PDE6B: variants seen among roughly 807,000 people sequenced by gnomAD.
PDE6B encodes the protein phosphodiesterase 6B, also known as rod cGMP-specific 3',5'-cyclic phosphodiesterase subunit beta.
In PDE6B, 106 loss-of-function variants were observed where a neutral mutation model predicts 109.0. The ratio of observed to expected loss-of-function variants is 0.97; its 90% CI spans 0.83 to 1.14. The LOEUF (loss-of-function observed/expected upper bound fraction) is 1.14. Ranked by LOEUF, PDE6B falls within the 50% of genes most tolerant of loss-of-function variation. The probability of loss-of-function intolerance (pLI) is 0.00; values close to 1 mark genes in which losing one functional copy is unlikely to be tolerated. For synonymous variants in PDE6B, 490 were observed against 471.3 expected (o/e 1.04, Z -0.51); for missense variants, 1,193 against 1,155.6 (o/e 1.03, Z -0.47).
Position 666,728 on chromosome 4 carries a change from A to G in PDE6B, c.2352+114A>G, listed in dbSNP as rs550979995. 2.0e-5 allele frequency: 15 copies of G among 742,212 alleles called. No individual in the cohort carries two copies. In the African/African-American group the frequency reaches 2.1e-4, roughly 10 times the overall value. 46.0% of individuals were successfully genotyped at this position (742,212 alleles called of 1,614,324 possible). A position where few individuals can be genotyped will look rare whatever the true frequency, so the allele number is the denominator to read the frequency against. On this transcript the variant is annotated intron_variant, in intron 20 of 21. Coordinates refer to ENST00000496514, the MANE Select transcript of PDE6B (RefSeq NM_000283.4). The surrounding 1 kb of genome is among the most constrained non-coding windows in gnomAD (Gnocchi z 5.6). ...ACGGGCCCGGCGGTGTCCTCACTGG[A>G]GTAGGGATGCCAGTGCCAGCTTCGT...
chr4:663,832 C>A lies in PDE6B; in HGVS notation c.1983C>A (p.Asp661Glu). The A allele has an allele frequency of 1.2e-6, 2 of 1,612,072 alleles. No individual in the cohort carries two copies. Among genetic ancestry groups the A allele is most frequent in the Non-Finnish European group, 1.7e-6 (2 of 1,179,172 alleles). ...ACGAGCACGTGATCCACCTGATGGA[C>A]ATCGCCATCATCGCCACGGACCTGG... ...RQHEHVIHLM[D>E]IAIIATDLAL... The change falls in exon 16 of 22, where the codon GAC becomes GAA. Residue 661 changes from aspartate (D) to glutamate (E), a missense_variant. Physicochemically the swap from Asp to Glu is conservative, Grantham distance 45. Transcript: ENST00000496514. This position sits in a 1 kb window ranked among gnomAD's most constrained non-coding sequence, Gnocchi z 4.0.
At position 653,968 on chromosome 4, in the gene PDE6B, C is replaced by T. The variant is rs1190186547; in HGVS notation, c.828C>T (p.Gly276=). ...TCAACTGCGAGCGGTACTCCGTGGG[C>T]CTCCTGGACATGACCAAGGAGAAGG... is the stretch of plus-strand genomic sequence containing the variant. ...AYLNCERYSV[G]LLDMTKEKEF... Residue 276 remains glycine (G), a synonymous_variant, in exon 4 of 22, where the codon GGC becomes GGT. Coordinates refer to ENST00000496514, the MANE Select transcript of PDE6B (RefSeq NM_000283.4). 1 of 1,613,732 alleles carries T rather than the reference C, an allele frequency of 6.2e-7. No individual in the cohort carries two copies. The highest frequency in any genetic ancestry group is 1.3e-5 in the African/African-American group (1 of 74,918).
Position 663,109 on chromosome 4 carries a change from C to T in PDE6B, c.1842C>T (p.Asn614=), listed in dbSNP as rs759904349. The part of the protein sequence containing the change: ...TNNLYQMKSQ[N]PLAKLHGSSI... ...ACCACCTGTGTAACAGGTCCCAGAA[C>T]CCCTTGGCTAAGCTCCACGGCTCCT... The change falls in exon 15 of 22, where the codon AAC becomes AAT. Residue 614 remains asparagine, a synonymous_variant. Transcript: ENST00000496514. This position sits in a 1 kb window ranked among gnomAD's most constrained non-coding sequence, Gnocchi z 4.0. 2.5e-6 allele frequency: 4 copies of T among 1,606,740 alleles called. No individual in the cohort carries two copies. The highest frequency in any genetic ancestry group is 1.7e-5 in the Admixed American group (1 of 60,018).
At chr4:654,220 G>T in intron 5 of PDE6B, 66 bp downstream of exon 5, 1 of 1,417,824 alleles carries the variant, frequency 7.1e-7, no homozygotes, top group African/African-American at 1.4e-5. Flanking sequence ...CCAACTCCAG[G>T]GCAGGAGAGG....
chr4:650,733 G>A (rs76716489), intron 3 of PDE6B, among the ~76,000 whole-genome samples: 4,100 of 152,262 alleles, frequency 0.027, 54 homozygotes, highest in Middle Eastern at 0.037. Flanking sequence ...GGGAGGCTGC[G>A]TAGATGCCGT....
At position 656,960 on chromosome 4, in the gene PDE6B, C is replaced by T. The variant is rs116784895; in HGVS notation, c.1194C>T (p.Val398=). The change falls in exon 9 of 22, where the codon GTC becomes GTT. Residue 398 remains valine (V), a synonymous_variant. Coordinates refer to ENST00000496514, the MANE Select transcript of PDE6B (RefSeq NM_000283.4). ...ACAAGAAGGAGGAGATTGTGGGAGT[C>T]GCCACATTTTACAACAGGAAAGACG... ...IVNKKEEIVG[V]ATFYNRKDGK... is the part of the protein sequence containing the mutation. 272 of 1,613,016 alleles carry T rather than the reference C, an allele frequency of 1.7e-4. No individual in the cohort carries two copies. In the African/African-American group the frequency reaches 2.7e-3, roughly 16 times the overall value.
Position 636,797 on chromosome 4 carries a change from G to A in PDE6B, c.711+828G>A, listed in dbSNP as rs746944403. 6.6e-6 allele frequency among the ~76,000 whole-genome samples: 1 copy of A among 152,184 alleles called. No individual in the cohort carries two copies. The highest frequency in any genetic ancestry group is 1.5e-5 in the Non-Finnish European group (1 of 68,010). On this transcript the variant is annotated intron_variant, in intron 3 of 21. Coordinates refer to ENST00000496514, the MANE Select transcript of PDE6B (RefSeq NM_000283.4). The surrounding 1 kb of genome is among the most constrained non-coding windows in gnomAD (Gnocchi z 4.5). ...ATCTGGAGGAAGGCTGGGTTTAGGG[G>A]CCTCCTCCTGGCCCCAGGGCTGCCT...
chr4:662,994 C>T lies in PDE6B; in HGVS notation c.1833-106C>T. ...CTCCAGAGTGGGTGACAGAGGCAGACCCTGTCTCAAAAAAAAGAAAGTGGG... is the reference window on the plus strand; with the variant it reads ...CTCCAGAGTGGGTGACAGAGGCAGATCCTGTCTCAAAAAAAAGAAAGTGGG... On this transcript the variant is annotated intron_variant, in intron 14 of 21. Transcript: ENST00000496514. This position sits in a 1 kb window ranked among gnomAD's most constrained non-coding sequence, Gnocchi z 4.3. The T allele has an allele frequency of 2.7e-6, 2 of 753,794 alleles. No individual in the cohort carries two copies. The highest frequency in any genetic ancestry group is 2.8e-5 in the South Asian group (2 of 71,338). The allele number at this position is 753,794 out of a possible 1,614,324, so 46.7% of individuals were successfully genotyped here.
At chr4:650,864 G>A (rs1735475944) in intron 3 of PDE6B, among the ~76,000 whole-genome samples, 1 of 152,230 alleles carries the variant, frequency 6.6e-6, no homozygotes, top group Non-Finnish European at 1.5e-5. Context: ...GCCACACGCT[G>A]AAGACGCCTG....
chr4:645,148 A>G (rs1038015027), intron 3 of PDE6B, among the ~76,000 whole-genome samples: 1 of 152,010 alleles, frequency 6.6e-6, no homozygotes, highest in Admixed American at 6.5e-5. Flanking sequence ...AGCATAGCAT[A>G]TATTTCTTCA....
rs1475240155 is a variant in PDE6B, at chr4:665,366, GGGTGTTAGAGACCCCTCTT to G, written c.2268+41_2268+59del. ...TTCTGGAACCTTCCACTCCTGAAAC[GGGTGTTAGAGACCCCTCTT>G]GGTCCTCAGGAGCCTCAGGTCCTGG... On this transcript the variant is annotated intron_variant, in intron 19 of 21. Coordinates refer to ENST00000496514, the MANE Select transcript of PDE6B (RefSeq NM_000283.4). This position sits in a 1 kb window ranked among gnomAD's most constrained non-coding sequence, Gnocchi z 4.0. 1 of 1,437,602 alleles carries G rather than the reference GGGTGTTAGAGACCCCTCTT, an allele frequency of 7.0e-7. No homozygotes were observed. Among genetic ancestry groups the G allele is most frequent in the East Asian group, 2.3e-5 (1 of 44,010 alleles). The allele number at this position is 1,437,602 out of a possible 1,614,324, so 89.1% of individuals were successfully genotyped here.
intron 3 of PDE6B, among the ~76,000 whole-genome samples, chr4:647,636 A>G (rs957716149): frequency 7.9e-5 from 12 of 151,628 alleles, no homozygotes; most frequent in Admixed American, 7.2e-4. Context: ...CAGGCTCGTG[A>G]CCTCACCTAA....
At chr4:646,926 C>T (rs1461211710) in intron 3 of PDE6B, among the ~76,000 whole-genome samples, 2 of 151,604 alleles carry the variant, frequency 1.3e-5, no homozygotes, top group Non-Finnish European at 2.9e-5. Flanking sequence ...GGCTCAATCT[C>T]GGCTCACTGC....
intron 7 of PDE6B, 103 bp downstream of exon 7, chr4:656,109 C>G (rs1048387289): frequency 1.6e-5 from 16 of 1,018,434 alleles, no homozygotes; most frequent in East Asian, 7.1e-5. Flanking sequence ...CCGGCCAGCT[C>G]CACGTGCCTC....
chr4:659,183 G>A (rs1470377286), intron 11 of PDE6B, among the ~76,000 whole-genome samples, 166 bp downstream of exon 11: 1 of 152,248 alleles, frequency 6.6e-6, no homozygotes, highest in African/African-American at 2.4e-5. Flanking sequence ...GTGTACGTGT[G>A]TGTACATAAG....
In PDE6B at chr4:662,094, C is replaced by T. The variant is rs368270262; in HGVS notation, c.1615-40C>T. 8.0e-6 allele frequency: 8 copies of T among 1,005,506 alleles called. No individual in the cohort carries two copies. The highest frequency in any genetic ancestry group is 4.8e-5 in the African/African-American group (3 of 62,654). The allele number at this position is 1,005,506 out of a possible 1,614,324, so 62.3% of individuals were successfully genotyped here. A position where few individuals can be genotyped will look rare whatever the true frequency, so the allele number is the denominator to read the frequency against. ...AGGTGCCGCTCTGGCGGGACTTACA[C>T]GCTTGCCGCCGGAGCCCTGTGTCCT... On this transcript the variant is annotated intron_variant, in intron 12 of 21. Coordinates refer to ENST00000496514, the MANE Select transcript of PDE6B (RefSeq NM_000283.4). This position sits in a 1 kb window ranked among gnomAD's most constrained non-coding sequence, Gnocchi z 4.3.
chr4:659,163 A>G (rs929189476), intron 11 of PDE6B, 146 bp downstream of exon 11: 15 of 705,772 alleles, frequency 2.1e-5, no homozygotes, highest in Admixed American at 1.4e-4. Flanking sequence ...TTGTGTATCT[A>G]AGCACCTTAG....
Position 662,362 on chromosome 4 carries a change from G to A in PDE6B, c.1722+121G>A, listed in dbSNP as rs529422556. On this transcript the variant is annotated intron_variant, in intron 13 of 21. Coordinates refer to ENST00000496514, the MANE Select transcript of PDE6B (RefSeq NM_000283.4). This position sits in a 1 kb window ranked among gnomAD's most constrained non-coding sequence, Gnocchi z 4.3. ...GGGCAGAAGGATGGAGGAGGGCAAC[G>A]CCCTCTGACACCGTGCACCGCGCAC... The A allele has an allele frequency of 1.1e-5, 9 of 817,964 alleles. No homozygotes were observed. Among genetic ancestry groups the A allele is most frequent in the South Asian group, 4.3e-5 (3 of 69,860 alleles). The allele number at this position is 817,964 out of a possible 1,614,324, so 50.7% of individuals were successfully genotyped here. A position where few individuals can be genotyped will look rare whatever the true frequency, so the allele number is the denominator to read the frequency against.
In PDE6B at chr4:660,517, C is replaced by T. The variant is rs552436847; in HGVS notation, c.1518C>T (p.Phe506=). 6.2e-7 allele frequency: 1 copy of T among 1,613,696 alleles called. No individual in the cohort carries two copies. Among genetic ancestry groups the T allele is most frequent in the African/African-American group, 1.3e-5 (1 of 75,052 alleles). The stretch of plus-strand genomic sequence containing the variant: ...CATTTGACATCTACGAATTCCACTT[C>T]TCTGACCTGGAGTGCACCGAACTGG... ...PTTFDIYEFH[F]SDLECTELDL... is the part of the protein sequence containing the mutation. Residue 506 remains phenylalanine (F), a synonymous_variant, in exon 12 of 22, where the codon TTC becomes TTT. Coordinates refer to ENST00000496514, the MANE Select transcript of PDE6B (RefSeq NM_000283.4).
Sources: gnomAD v4.1 joint callset for allele counts (sites outside exome capture counted in the v4.1 genomes callset) on GRCh38, gnomAD v4.1.1 for gene constraint, Gnocchi (gnomAD v3.1) non-coding constraint, MANE v1.5 for transcripts, NCBI Gene and HGNC (gene_info 2026-07-23, HGNC 2026-07-21) for gene names.